The following CSMD1 variants were observed in gnomAD, a reference collection of about 807,000 sequenced individuals.
CSMD1 encodes CUB and Sushi multiple domains 1.
In CSMD1, 213 loss-of-function variants were observed where a neutral mutation model predicts 417.5. The ratio of observed to expected loss-of-function variants is 0.51; its 90% CI spans 0.46 to 0.57. CSMD1 has a LOEUF of 0.57. Ranked by LOEUF, CSMD1 falls within the 20% of genes least tolerant of loss-of-function variation. The probability of loss-of-function intolerance (pLI) is 0.00; values close to 1 mark genes in which losing one functional copy is unlikely to be tolerated. For synonymous variants in CSMD1, 2,862 were observed against 1,736.8 expected, an observed-to-expected ratio of 1.65 and a Z score of -16.11; for missense variants, 6,923 against 4,529.7, an observed-to-expected ratio of 1.53 and a Z score of -15.17.
At chr8:3,104,215 T>C (rs542653944) in intron 46 of CSMD1, among the ~76,000 whole-genome samples, 17 of 152,266 alleles carry the variant, frequency 1.1e-4, no homozygotes, top group Admixed American at 6.5e-5. Flanking sequence ...CATTTCCATA[T>C]AGAATGGCAG....
intron 3 of CSMD1, among the ~76,000 whole-genome samples, chr8:4,260,667 GT>G (rs916499413): frequency 1.3e-5 from 2 of 152,082 alleles, no homozygotes; most frequent in African/African-American, 2.4e-5. Flanking sequence ...TATAATTTCA[GT>G]TTTTGCGAGA....
At chr8:4,244,349 A>T (rs551203486) in intron 3 of CSMD1, among the ~76,000 whole-genome samples, 2 of 152,270 alleles carry the variant, frequency 1.3e-5, no homozygotes, top group South Asian at 4.2e-4. Flanking sequence ...AAGAACTGGG[A>T]TTTTAATAGG....
intron 3 of CSMD1, among the ~76,000 whole-genome samples, chr8:4,396,652 T>C (rs968112997): frequency 3.3e-5 from 5 of 151,728 alleles, no homozygotes; most frequent in African/African-American, 1.2e-4. Context: ...TAAATATCTA[T>C]ATATCTCCCC....
At chr8:3,272,473 C>G (rs1311112402) in intron 26 of CSMD1, among the ~76,000 whole-genome samples, 20 of 149,084 alleles carry the variant, frequency 1.3e-4, no homozygotes, top group Non-Finnish European at 6.0e-5. Context: ...GGAAGAAAGT[C>G]ATTGGTAACT....
chr8:3,710,315 C>T (rs1304992781), intron 6 of CSMD1, among the ~76,000 whole-genome samples: 1 of 152,116 alleles, frequency 6.6e-6, no homozygotes, highest in Non-Finnish European at 1.5e-5. Context: ...CACACTCAGG[C>T]ACACACACAT....
chr8:4,302,546 G>T (rs184303359), intron 3 of CSMD1, among the ~76,000 whole-genome samples: 164 of 152,234 alleles, frequency 1.1e-3, no homozygotes, highest in African/African-American at 3.7e-3. Context: ...AGACCGTCTT[G>T]AAAGTCAGGT....
chr8:4,166,741 C>A (rs974611061), intron 3 of CSMD1, among the ~76,000 whole-genome samples: 1 of 151,942 alleles, frequency 6.6e-6, no homozygotes, highest in Non-Finnish European at 1.5e-5. Context: ...ACCTATTGCC[C>A]CAAAACTATT....
intron 12 of CSMD1, among the ~76,000 whole-genome samples, chr8:3,439,609 C>T (rs1814838617): frequency 6.6e-6 from 1 of 151,262 alleles, no homozygotes; most frequent in African/African-American, 2.4e-5. Context: ...CTTATCTTTT[C>T]AAGTTCTTTA....
chr8:4,972,480 T>C (rs572756341), intron 1 of CSMD1, among the ~76,000 whole-genome samples: 110 of 152,280 alleles, frequency 7.2e-4, no homozygotes, highest in Non-Finnish European at 1.0e-3. Flanking sequence ...CTTCCTGCCA[T>C]CTTGTGAAGA....
At chr8:3,922,985 A>T (rs1400179428) in intron 5 of CSMD1, among the ~76,000 whole-genome samples, 1 of 152,162 alleles carries the variant, frequency 6.6e-6, no homozygotes, top group Non-Finnish European at 1.5e-5. Context: ...TGTTTCAGAG[A>T]AATCTCTATT....
intron 30 of CSMD1, among the ~76,000 whole-genome samples, chr8:3,213,995 A>T (rs2116814492): frequency 6.6e-6 from 1 of 151,874 alleles, no homozygotes; most frequent in South Asian, 2.1e-4. Flanking sequence ...ACAGGCACGC[A>T]CCACCACACC....
chr8:3,549,716 C>T (rs992005829), intron 10 of CSMD1, among the ~76,000 whole-genome samples: 2 of 152,142 alleles, frequency 1.3e-5, no homozygotes, highest in East Asian at 1.9e-4. Flanking sequence ...TGGGCCTCTA[C>T]AGAAAGTTCC....
chr8:3,244,848 G>C (rs34442220), intron 26 of CSMD1, among the ~76,000 whole-genome samples: 41,813 of 152,208 alleles, frequency 0.27, 6,155 homozygotes, highest in South Asian at 0.48. Flanking sequence ...GACACTGCTT[G>C]GCAGCAAGCA....
intron 5 of CSMD1, among the ~76,000 whole-genome samples, chr8:3,800,049 T>C (rs1800373180): frequency 6.6e-6 from 1 of 152,172 alleles, no homozygotes; most frequent in Non-Finnish European, 1.5e-5. Flanking sequence ...CTTTTGTCAC[T>C]GAAATATGGA....
intron 1 of CSMD1, among the ~76,000 whole-genome samples, chr8:4,964,846 G>A (rs11991285): frequency 1.3e-5 from 2 of 152,130 alleles, no homozygotes; most frequent in Non-Finnish European, 2.9e-5. Flanking sequence ...AATACCAGTC[G>A]TGTCTGATGT....
intron 1 of CSMD1, among the ~76,000 whole-genome samples, chr8:4,918,112 C>G (rs181804077): frequency 1.9e-4 from 29 of 152,156 alleles, no homozygotes; most frequent in African/African-American, 6.7e-4. Context: ...AATATGTATT[C>G]TATTACAAAA....
intron 12 of CSMD1, among the ~76,000 whole-genome samples, chr8:3,420,625 A>T (rs991505541): frequency 1.3e-5 from 2 of 152,182 alleles, no homozygotes; most frequent in African/African-American, 4.8e-5. Flanking sequence ...GTTAATTTGA[A>T]AAAAGAAATC....
chr8:4,324,352 C>T (rs986112671), intron 3 of CSMD1, among the ~76,000 whole-genome samples: 1 of 152,192 alleles, frequency 6.6e-6, no homozygotes, highest in Non-Finnish European at 1.5e-5. Flanking sequence ...CCTGTAGTAG[C>T]AGCCATTCCA....
At chr8:4,958,321 C>T (rs1450493538) in intron 1 of CSMD1, among the ~76,000 whole-genome samples, 1 of 152,024 alleles carries the variant, frequency 6.6e-6, no homozygotes, top group East Asian at 1.9e-4. Flanking sequence ...ACAAATATTT[C>T]CAATTGTCAA....
Sources: gnomAD v4.1 joint callset for allele counts (sites outside exome capture counted in the v4.1 genomes callset) on GRCh38, gnomAD v4.1.1 for gene constraint, MANE v1.5 for transcripts, NCBI Gene and HGNC (gene_info 2026-07-23, HGNC 2026-07-21) for gene names.